Variants in NEK11 observed in about 807,000 individuals in gnomAD.
The protein encoded by NEK11 is serine/threonine-protein kinase Nek11.
In NEK11, 72 loss-of-function variants were observed where a neutral mutation model predicts 80.7. That is an observed-to-expected ratio of 0.89 (90% CI 0.74 to 1.08). The LOEUF (loss-of-function observed/expected upper bound fraction) is 1.08. NEK11 is among the 50% of genes least tolerant of loss of function. The pLI is 0.00. For synonymous variants in NEK11, 251 were observed against 260.7 expected, an observed-to-expected ratio of 0.96 and a Z score of 0.36; for missense variants, 764 against 763.6, an observed-to-expected ratio of 1.00 and a Z score of -0.01.
chr3:131,142,239 T>A (rs1388514751), intron 7 of NEK11, among the ~76,000 whole-genome samples: 1 of 152,196 alleles, frequency 6.6e-6, no homozygotes, highest in African/African-American at 2.4e-5. Flanking sequence ...CCTATGCCAA[T>A]TCCCCCTGTG....
intron 5 of NEK11, among the ~76,000 whole-genome samples, chr3:131,113,158 G>A (rs1436480418): frequency 6.6e-6 from 1 of 152,194 alleles, no homozygotes; most frequent in Non-Finnish European, 1.5e-5. Flanking sequence ...AGATGTGATA[G>A]AAGGTCAAAG....
intron 5 of NEK11, among the ~76,000 whole-genome samples, chr3:131,126,575 G>A (rs1362943927): frequency 6.6e-6 from 1 of 152,120 alleles, no homozygotes; most frequent in African/African-American, 2.4e-5. Flanking sequence ...CACTTTCCAT[G>A]TAACAGACAT....
intron 17 of NEK11, among the ~76,000 whole-genome samples, chr3:131,321,089 C>G (rs1364539333): frequency 6.6e-6 from 1 of 152,072 alleles, no homozygotes; most frequent in African/African-American, 2.4e-5. Flanking sequence ...TCACATTACC[C>G]GGCTTCAAAC....
chr3:131,310,109 T>C (rs2096766443), intron 17 of NEK11, among the ~76,000 whole-genome samples: 2 of 151,072 alleles, frequency 1.3e-5, no homozygotes, highest in Admixed American at 6.6e-5. Context: ...ATTCATTGGT[T>C]CACTGCCGAT....
At chr3:131,178,950 A>G (rs1302023394) in intron 14 of NEK11, among the ~76,000 whole-genome samples, 1 of 152,140 alleles carries the variant, frequency 6.6e-6, no homozygotes, top group African/African-American at 2.4e-5. Context: ...GTACTTTAAG[A>G]TTGTTATGGC....
intron 17 of NEK11, among the ~76,000 whole-genome samples, chr3:131,343,181 A>G (rs190205682): frequency 2.4e-4 from 36 of 152,224 alleles, no homozygotes; most frequent in Admixed American, 1.2e-3. Flanking sequence ...TTGTTTAGGA[A>G]AAGATATAGC....
Position 131,029,686 on chromosome 3 carries a change from C to T in NEK11, c.-23C>T, listed in dbSNP as rs1168453376. 6.2e-7 allele frequency: 1 copy of T among 1,607,738 alleles called. No homozygotes were observed. On this transcript the variant is annotated 5_prime_UTR_variant, in exon 3 of 18. Coordinates refer to ENST00000383366, the MANE Select transcript of NEK11 (RefSeq NM_024800.5). ...TGTTAAGTTTCTATAAATGAATGAACCAGTTCTCTCTTGTTTGGAGCAATG... is the reference window on the plus strand; with the variant it reads ...TGTTAAGTTTCTATAAATGAATGAATCAGTTCTCTCTTGTTTGGAGCAATG...
intron 7 of NEK11, among the ~76,000 whole-genome samples, chr3:131,143,294 CT>C (rs1057349399): frequency 6.6e-6 from 1 of 152,092 alleles, no homozygotes; most frequent in African/African-American, 2.4e-5. Context: ...GATTGGTCCA[CT>C]TTAGATAGTT....
intron 7 of NEK11, among the ~76,000 whole-genome samples, chr3:131,141,369 G>A (rs1422028632): frequency 2.0e-5 from 3 of 152,118 alleles, no homozygotes; most frequent in South Asian, 2.1e-4. Flanking sequence ...GAAAAATGGA[G>A]AAGAGTTTGG....
intron 16 of NEK11, among the ~76,000 whole-genome samples, chr3:131,260,117 T>C (rs2095888004): frequency 6.6e-6 from 1 of 151,878 alleles, no homozygotes; most frequent in Non-Finnish European, 1.5e-5. Flanking sequence ...TCTGGAGAGG[T>C]GGAGAAATGA....
chr3:131,172,814 A>G (rs1208152676), intron 14 of NEK11, among the ~76,000 whole-genome samples: 1 of 152,212 alleles, frequency 6.6e-6, no homozygotes, highest in Non-Finnish European at 1.5e-5. Context: ...CACAAGATAC[A>G]GGTCACAAAG....
intron 17 of NEK11, among the ~76,000 whole-genome samples, chr3:131,303,991 A>G (rs1168074987): frequency 6.6e-6 from 1 of 152,182 alleles, no homozygotes; most frequent in African/African-American, 2.4e-5. Context: ...GATGCCAGTG[A>G]GTCATAGATT....
intron 16 of NEK11, among the ~76,000 whole-genome samples, chr3:131,259,915 G>A (rs2095883294): frequency 6.6e-6 from 1 of 152,164 alleles, no homozygotes; most frequent in Admixed American, 6.5e-5. Flanking sequence ...AGGTGAGGCA[G>A]TACAGAGACT....
chr3:131,153,267 G>T (rs892218413), intron 9 of NEK11, among the ~76,000 whole-genome samples: 1 of 152,096 alleles, frequency 6.6e-6, no homozygotes, highest in Non-Finnish European at 1.5e-5. Context: ...GATCTTACCT[G>T]AACACTTTGT....
chr3:131,279,444 A>G (rs1264368394), intron 17 of NEK11, among the ~76,000 whole-genome samples: 1 of 152,226 alleles, frequency 6.6e-6, no homozygotes, highest in African/African-American at 2.4e-5. Context: ...ATATAGTTCT[A>G]TAAATTTTGA....
chr3:131,089,582 G>T (rs1267302254), intron 4 of NEK11, among the ~76,000 whole-genome samples: 1 of 152,134 alleles, frequency 6.6e-6, no homozygotes, highest in African/African-American at 2.4e-5. Flanking sequence ...GGGATTACAG[G>T]CATGTGCCAC....
At chr3:131,055,076 C>T (rs921805517) in intron 3 of NEK11, among the ~76,000 whole-genome samples, 1 of 152,148 alleles carries the variant, frequency 6.6e-6, no homozygotes, top group African/African-American at 2.4e-5. Context: ...GGCAAGAGAG[C>T]CTTGATGTCT....
chr3:131,207,618 C>A (rs2094482314), intron 14 of NEK11, among the ~76,000 whole-genome samples: 1 of 152,002 alleles, frequency 6.6e-6, no homozygotes, highest in African/African-American at 2.4e-5. Flanking sequence ...CACATCCTCT[C>A]CAGTACCTGT....
At chr3:131,066,653 G>A (rs2072022743) in intron 3 of NEK11, among the ~76,000 whole-genome samples, 1 of 151,800 alleles carries the variant, frequency 6.6e-6, no homozygotes, top group South Asian at 2.1e-4. Context: ...GGCCAACATG[G>A]TGAAACCCCA....
Sources: gnomAD v4.1 joint callset for allele counts (sites outside exome capture counted in the v4.1 genomes callset) on GRCh38, gnomAD v4.1.1 for gene constraint, MANE v1.5 for transcripts, NCBI Gene and HGNC (gene_info 2026-07-23, HGNC 2026-07-21) for gene names.